The following YBX3 variants were observed in gnomAD, a reference collection of about 807,000 sequenced individuals.
YBX3 encodes Y-box-binding protein 3.
YBX3 carries 29 observed loss-of-function variants against 42.4 expected under a neutral mutation model. The observed-to-expected ratio is 0.68, with a 90% CI of 0.51 to 0.93. The LOEUF is 0.93. YBX3 is among the 40% of genes least tolerant of loss of function. The pLI, the probability that YBX3 is intolerant of heterozygous loss-of-function variation, is 0.00. For synonymous variants in YBX3, 195 were observed against 189.8 expected (o/e 1.03, Z -0.22); for missense variants, 517 against 527.5 (o/e 0.98, Z 0.19).
At position 10,714,199 on chromosome 12, in the gene YBX3, C is replaced by A. The variant is rs76430024; in HGVS notation, c.451-866G>T. ...AGATAATCACTTAAATTTCTGCATCCAATGAAATAAATTGTTTTTCTTTTA... is the reference window on the plus strand; with the variant it reads ...AGATAATCACTTAAATTTCTGCATCAAATGAAATAAATTGTTTTTCTTTTA... On this transcript the variant is annotated intron_variant, in intron 4 of 9. Transcript: ENST00000228251. 7.4e-3 allele frequency among the ~76,000 whole-genome samples: 1,120 copies of A among 152,200 alleles called. 13 individuals are homozygous for A. Among genetic ancestry groups the A allele is most frequent in the East Asian group, 0.032 (166 of 5,188 alleles).
chr12:10,719,812 C>CTTAA (rs1411600486), intron 1 of YBX3, among the ~76,000 whole-genome samples: 1 of 152,170 alleles, frequency 6.6e-6, no homozygotes, highest in African/African-American at 2.4e-5. Flanking sequence ...GCGAATCAAA[C>CTTAA]TTAAGCATTT....
In YBX3 at chr12:10,723,005, A is replaced by G; in HGVS notation, c.107T>C (p.Val36Ala). Residue 36 changes from valine (V) to alanine (A), a missense_variant, in exon 1 of 10, where the codon GTG becomes GCG. Val to Ala is a moderately conservative substitution (Grantham distance 64). This residue lies in a region of YBX3 where 86 missense variants were observed against 82.5 expected (regional missense o/e 1.04). Coordinates refer to ENST00000228251, the MANE Select transcript of YBX3 (RefSeq NM_003651.5). Reference protein sequence around the residue: ...APQDPAPKSPVGSGAPQAAAP... With the variant: ...APQDPAPKSPAGSGAPQAAAP... ...CGCGGCCTGGGGCGCACCGCTGCCC[A>G]CCGGGCTCTTGGGCGCGGGGTCCTG... 1 of 1,208,468 alleles carries G rather than the reference A, an allele frequency of 8.3e-7. No individual in the cohort carries two copies. Among genetic ancestry groups the G allele is most frequent in the Non-Finnish European group, 1.0e-6 (1 of 975,454 alleles). The allele number at this position is 1,208,468 out of a possible 1,614,324, so 74.9% of individuals were successfully genotyped here.
Position 10,722,867 on chromosome 12 carries a change from G to T in YBX3, c.245C>A (p.Ala82Glu), listed in dbSNP as rs751603554. The change falls in exon 1 of 10, where the codon GCG (alanine) becomes GAG (glutamate). Residue 82 changes from alanine (A) to glutamate (E), a missense_variant. Around this residue, in one of 3 missense-constraint regions of YBX3, gnomAD observed 420 missense variants for 408.5 expected, o/e 1.03. Transcript: ENST00000228251. ...TGACTCACCGAGAACTTTTTTCTCC[G>T]CGTCTTCGCTGCCGGCGGCGGTGGC... ...SLATAAGSED[A>E]EKKVLATKVL... 2.0e-6 allele frequency: 3 copies of T among 1,491,838 alleles called. No individual in the cohort carries two copies. The highest frequency in any genetic ancestry group is 1.4e-5 in the African/African-American group (1 of 69,024). The allele number at this position is 1,491,838 out of a possible 1,614,324, so 92.4% of individuals were successfully genotyped here.
Position 10,701,264 on chromosome 12 carries a change from T to C in YBX3, c.*24A>G, listed in dbSNP as rs763379818. 15 of 779,068 alleles carry C rather than the reference T, an allele frequency of 1.9e-5. No homozygotes were observed. Among genetic ancestry groups the C allele is most frequent in the Non-Finnish European group, 3.6e-5 (15 of 417,846 alleles). The allele number at this position is 779,068 out of a possible 1,614,324, so 48.3% of individuals were successfully genotyped here. A position where few individuals can be genotyped will look rare whatever the true frequency, so the allele number is the denominator to read the frequency against. On this transcript the variant is annotated 3_prime_UTR_variant, in exon 9 of 10. Coordinates refer to ENST00000228251, the MANE Select transcript of YBX3 (RefSeq NM_003651.5). ...TGCCCCAGCTCTTACCTGCCGATGG[T>C]GAAGGTGCCTGAGGAGCCTGGTGTT...
chr12:10,723,261 C>G lies in YBX3; in HGVS notation c.-150G>C. The G allele has an allele frequency of 2.6e-6, 3 of 1,139,844 alleles. No homozygotes were observed. In the South Asian group the frequency reaches 1.3e-4, roughly 49 times the overall value. 70.6% of individuals were successfully genotyped at this position (1,139,844 alleles called of 1,614,324 possible). On this transcript the variant is annotated 5_prime_UTR_variant, in exon 1 of 10. Coordinates refer to ENST00000228251, the MANE Select transcript of YBX3 (RefSeq NM_003651.5). Reference sequence around the variant, plus strand: ...CGGCGGCGGCCGAGGTGGGGTCGCGCGGCGGAGGCGGCTCGAGCTTCGTGC... The same window carrying G: ...CGGCGGCGGCCGAGGTGGGGTCGCGGGGCGGAGGCGGCTCGAGCTTCGTGC...
intron 5 of YBX3, 160 bp from the exon 6 acceptor site, chr12:10,710,274 T>C: frequency 6.6e-6 from 10 of 1,505,244 alleles, no homozygotes; most frequent in South Asian, 1.3e-5. Context: ...TATCATGTGA[T>C]TGCCTGGGAT....
intron 2 of YBX3, 38 bp downstream of exon 2, chr12:10,719,042 T>A (rs957410480): frequency 1.5e-5 from 23 of 1,584,208 alleles, no homozygotes; most frequent in Non-Finnish European, 1.9e-5. Flanking sequence ...ACAATGTAAG[T>A]ATAAACTTAA....
intron 9 of YBX3, among the ~76,000 whole-genome samples, chr12:10,700,382 C>T (rs1009087378): frequency 6.6e-6 from 1 of 152,036 alleles, no homozygotes; most frequent in African/African-American, 2.4e-5. Context: ...TTTACAACCT[C>T]TCTCTTAACT....
chr12:10,715,718 C>T lies in YBX3; in HGVS notation c.426G>A (p.Glu142=). 1 of 1,614,096 alleles carries T rather than the reference C, an allele frequency of 6.2e-7. No individual in the cohort carries two copies. The highest frequency in any genetic ancestry group is 8.5e-7 in the Non-Finnish European group (1 of 1,179,982). ...CCTTCTCTCCTTCAACCACATCAAA[C>T]TCTACAGTTTCTCCATCTCCTACAC... ...LRSVGDGETV[E]FDVVEGEKGA... The change falls in exon 4 of 10, where the codon GAG becomes GAA. Residue 142 remains glutamate, a synonymous_variant. Transcript: ENST00000228251.
chr12:10,709,664 A>G lies in YBX3; in HGVS notation c.780+244T>C, dbSNP rs114816951. 2.8e-3 allele frequency among the ~76,000 whole-genome samples: 428 copies of G among 152,308 alleles called. 1 individual carries two copies. The highest frequency in any genetic ancestry group is 9.7e-3 in the African/African-American group (402 of 41,572). On this transcript the variant is annotated intron_variant, in intron 6 of 9. Transcript: ENST00000228251. The stretch of plus-strand genomic sequence containing the variant: ...CCTTAATTCTTTTGTTCTTCTATCA[A>G]CTAGAAACTTTGGCCATAAGGGTTC...
intron 1 of YBX3, chr12:10,722,355 C>G (rs1488530922): frequency 2.0e-5 from 3 of 152,510 alleles, no homozygotes; most frequent in Admixed American, 2.0e-4. Context: ...CTATCTTTCC[C>G]TCCCCGTCTC....
At chr12:10,705,913 G>A (rs1345748738) in intron 6 of YBX3, among the ~76,000 whole-genome samples, 1 of 152,030 alleles carries the variant, frequency 6.6e-6, no homozygotes, top group African/African-American at 2.4e-5. Context: ...ACAACAAGAT[G>A]TTCCAGGCTC....
At chr12:10,722,828 T>C in intron 1 of YBX3, 22 bp downstream of exon 1, 3 of 1,446,122 alleles carry the variant, frequency 2.1e-6, no homozygotes, top group South Asian at 1.5e-5. Flanking sequence ...CGGCAGCCCC[T>C]GCCCTCCCTG....
At chr12:10,712,870 T>A (rs115249586) in intron 5 of YBX3, 1 of 202,336 alleles carries the variant, frequency 4.9e-6, no homozygotes, top group African/African-American at 2.3e-5. Flanking sequence ...ATGGCAAGTG[T>A]CTAATGAGAC....
chr12:10,701,969 A>G lies in YBX3; in HGVS notation c.1044T>C (p.Asp348=), dbSNP rs541600275. ...GACTGGTTGGATTTACCTCTTTGCC[A>G]TCTTGTGAAGGAGCGTTAGGAGGAC... ...RPRPPNAPSQ[D]GKEAKAGEAP... is the part of the protein sequence containing the mutation. Residue 348 remains aspartate (D), a synonymous_variant, in exon 8 of 10, where the codon GAT becomes GAC. Coordinates refer to ENST00000228251, the MANE Select transcript of YBX3 (RefSeq NM_003651.5). 4 of 1,612,428 alleles carry G rather than the reference A, an allele frequency of 2.5e-6. No individual in the cohort carries two copies. The African/African-American group carries it at 5.3e-5, about 21-fold the overall frequency.
intron 2 of YBX3, 112 bp downstream of exon 2, chr12:10,718,968 T>G: frequency 1.1e-6 from 1 of 939,380 alleles, no homozygotes; most frequent in Non-Finnish European, 1.6e-6. Flanking sequence ...TTACAGTGCT[T>G]AGAAACCTAA....
chr12:10,715,642 G>C, intron 4 of YBX3, 52 bp downstream of exon 4: 1 of 1,451,370 alleles, frequency 6.9e-7, no homozygotes. Context: ...AATTTATTGT[G>C]CAACAGTACT....
At chr12:10,708,034 A>C (rs1015442674) in intron 6 of YBX3, among the ~76,000 whole-genome samples, 2 of 152,238 alleles carry the variant, frequency 1.3e-5, no homozygotes, top group African/African-American at 4.8e-5. Flanking sequence ...AACAACAAAA[A>C]ATATGGAAAC....
In YBX3 at chr12:10,713,136, T is replaced by C. The variant is rs1591579720; in HGVS notation, c.573+75A>G. On this transcript the variant is annotated intron_variant, in intron 5 of 9. Transcript: ENST00000228251. ...TCCAGGAGAAGACAAGGCATTTATC[T>C]GCTCCAAGTACATACACTTAATTCC... The C allele has an allele frequency of 3.5e-6, 5 of 1,441,480 alleles. No homozygotes were observed. In the Admixed American group the frequency reaches 1.0e-4, roughly 30 times the overall value. 89.3% of individuals were successfully genotyped at this position (1,441,480 alleles called of 1,614,324 possible).
Sources: allele counts gnomAD v4.1 joint callset (sites outside exome capture counted in the v4.1 genomes callset), GRCh38; gene constraint gnomAD v4.1.1; regional missense constraint gnomAD v4.1.1; transcripts MANE v1.5; gene names NCBI Gene and HGNC (gene_info 2026-07-23, HGNC 2026-07-21).